The following NOSTRIN variants were observed in gnomAD, a reference collection of about 807,000 sequenced individuals.
NOSTRIN encodes the protein BM247 homolog.
Under a neutral mutation model 59.0 loss-of-function variants are expected in NOSTRIN, and 63 were observed. That is an observed-to-expected ratio of 1.07 (90% CI 0.87 to 1.32). The LOEUF (loss-of-function observed/expected upper bound fraction) is 1.32. NOSTRIN is among the 40% of genes most tolerant of loss of function. The pLI, the probability that NOSTRIN is intolerant of heterozygous loss-of-function variation, is 0.00. For synonymous variants in NOSTRIN, 200 were observed against 165.4 expected, an observed-to-expected ratio of 1.21 and a Z score of -1.61; for missense variants, 512 against 473.1, an observed-to-expected ratio of 1.08 and a Z score of -0.76.
At chr2:168,859,459 T>C in intron 12 of NOSTRIN, 53 bp from the exon 13 acceptor site, 1 of 1,606,770 alleles carries the variant, frequency 6.2e-7, no homozygotes, top group Non-Finnish European at 8.5e-7. Flanking sequence ...TCCTATCCAG[T>C]TGTGCCTCAT....
intron 2 of NOSTRIN, among the ~76,000 whole-genome samples, chr2:168,790,347 T>TA (rs1321026618): frequency 6.6e-6 from 1 of 152,206 alleles, no homozygotes; most frequent in African/African-American, 2.4e-5. Flanking sequence ...TTTCAAGGTG[T>TA]ACGTCACCAC....
At chr2:168,833,831 G>A (rs1191161212) in intron 6 of NOSTRIN, among the ~76,000 whole-genome samples, 1 of 152,116 alleles carries the variant, frequency 6.6e-6, no homozygotes, top group African/African-American at 2.4e-5. Context: ...CGTGGCCTAG[G>A]TTGATGTAAA....
chr2:168,800,911 A>G (rs997423801), upstream of NOSTRIN, among the ~76,000 whole-genome samples: 1 of 24,640 alleles, frequency 4.1e-5, no homozygotes, highest in African/African-American at 6.5e-5. Flanking sequence ...AATTTCTTTT[A>G]AAAAAAAAAC....
chr2:168,839,214 T>C lies in NOSTRIN; in HGVS notation c.505-3778T>C, dbSNP rs754619424. Reference sequence around the variant, plus strand: ...AACTTCACCAAAAAATATCTTTCTGTATCCTGCCATACTATTTTGCCTCAC... The same window carrying C: ...AACTTCACCAAAAAATATCTTTCTGCATCCTGCCATACTATTTTGCCTCAC... On this transcript the variant is annotated intron_variant, in intron 7 of 15. Transcript: ENST00000317647. Among the ~76,000 whole-genome samples the C allele has an allele frequency of 9.3e-4, 142 of 152,348 alleles. 1 individual carries two copies. The highest frequency in any genetic ancestry group is 1.6e-3 in the Non-Finnish European group (107 of 68,030).
intron 3 of NOSTRIN, among the ~76,000 whole-genome samples, chr2:168,825,030 A>T (rs1308553251): frequency 1.3e-5 from 2 of 152,152 alleles, no homozygotes; most frequent in Non-Finnish European, 2.9e-5. Flanking sequence ...AAGTTCTGGG[A>T]TTACATGTGT....
At chr2:168,853,354 G>A (rs1173866083) in intron 10 of NOSTRIN, among the ~76,000 whole-genome samples, 1 of 152,206 alleles carries the variant, frequency 6.6e-6, no homozygotes, top group Non-Finnish European at 1.5e-5. Flanking sequence ...TGCAAAACTT[G>A]GAGGGCTTGG....
chr2:168,811,493 A>G, intron 1 of NOSTRIN, 74 bp from the exon 2 acceptor site: 1 of 599,240 alleles, frequency 1.7e-6, no homozygotes, highest in East Asian at 3.0e-5. Flanking sequence ...TTCTGAATTT[A>G]TAGGTGCTCT....
At chr2:168,808,749 G>A (rs1197963402) in intron 1 of NOSTRIN, among the ~76,000 whole-genome samples, 3 of 152,134 alleles carry the variant, frequency 2.0e-5, no homozygotes, top group Non-Finnish European at 4.4e-5. Flanking sequence ...TGGATAGAAA[G>A]TCTAAACACC....
intron 5 of NOSTRIN, among the ~76,000 whole-genome samples, chr2:168,829,563 C>G (rs759036307): frequency 3.5e-4 from 54 of 152,264 alleles, no homozygotes; most frequent in Admixed American, 6.5e-4. Context: ...TCAGGTGATC[C>G]GCCCATCTTG....
At chr2:168,823,267 C>T (rs951967932) in intron 2 of NOSTRIN, among the ~76,000 whole-genome samples, 5 of 152,200 alleles carry the variant, frequency 3.3e-5, no homozygotes, top group South Asian at 4.1e-4. Context: ...CCGCCCACCT[C>T]GGCCTCCCAA....
upstream of NOSTRIN, among the ~76,000 whole-genome samples, chr2:168,795,167 G>A (rs1685448453): frequency 6.8e-6 from 1 of 147,942 alleles, no homozygotes. Context: ...TGGAAAAGAT[G>A]AATAAATCCC....
At chr2:168,848,566 A>T (rs1688564507) in intron 8 of NOSTRIN, among the ~76,000 whole-genome samples, 1 of 151,400 alleles carries the variant, frequency 6.6e-6, no homozygotes, top group African/African-American at 2.4e-5. Context: ...ATACCAAAAA[A>T]CAAAATGTGG....
chr2:168,794,606 C>T (rs1275047523), upstream of NOSTRIN, among the ~76,000 whole-genome samples: 1 of 152,174 alleles, frequency 6.6e-6, no homozygotes, highest in African/African-American at 2.4e-5. Flanking sequence ...CTGCCTCGGC[C>T]TCCCAAAGTG....
Position 168,865,212 on chromosome 2 carries a change from G to A in NOSTRIN, c.*242G>A. ...CTAGAGGAGTTTCCAAATTCTAGGA[G>A]ACCCTAGAGATGATCCAGTATAACC... On this transcript the variant is annotated 3_prime_UTR_variant, in exon 16 of 16. Transcript: ENST00000317647. The A allele has an allele frequency of 6.5e-6, 3 of 462,516 alleles. No individual in the cohort carries two copies. The highest frequency in any genetic ancestry group is 5.7e-5 in the South Asian group (2 of 34,894). The allele number at this position is 462,516 out of a possible 1,614,324, so 28.7% of individuals were successfully genotyped here. A position where few individuals can be genotyped will look rare whatever the true frequency, so the allele number is the denominator to read the frequency against.
upstream of NOSTRIN, among the ~76,000 whole-genome samples, chr2:168,795,705 A>C (rs1053444982): frequency 6.6e-6 from 1 of 152,252 alleles, no homozygotes; most frequent in Non-Finnish European, 1.5e-5. Context: ...AGATTTAAAA[A>C]TTAAGTAATT....
chr2:168,855,246 T>C, intron 10 of NOSTRIN, 106 bp from the exon 11 acceptor site: 1 of 546,838 alleles, frequency 1.8e-6, no homozygotes, highest in East Asian at 3.2e-5. Flanking sequence ...TTTGTTTTAT[T>C]TTATAAAGTT....
intron 6 of NOSTRIN, 89 bp downstream of exon 6, chr2:168,831,623 A>T: frequency 1.3e-6 from 1 of 757,752 alleles, no homozygotes; most frequent in East Asian, 2.5e-5. Context: ...ATGTTCTAGC[A>T]TTAGTACTTC....
chr2:168,864,441 A>G (rs1374883086), intron 15 of NOSTRIN, among the ~76,000 whole-genome samples: 1 of 151,582 alleles, frequency 6.6e-6, no homozygotes, highest in South Asian at 2.1e-4. Flanking sequence ...GTGCGCCACC[A>G]CACCCAGCTA....
intron 8 of NOSTRIN, among the ~76,000 whole-genome samples, chr2:168,845,627 C>T (rs966173102): frequency 6.6e-6 from 1 of 152,180 alleles, no homozygotes; most frequent in African/African-American, 2.4e-5. Flanking sequence ...CACCACTCCC[C>T]CTTCTCAGCA....
Sources: allele counts gnomAD v4.1 joint callset (sites outside exome capture counted in the v4.1 genomes callset), GRCh38; gene constraint gnomAD v4.1.1; transcripts MANE v1.5; gene names NCBI Gene and HGNC (gene_info 2026-07-23, HGNC 2026-07-21).